The following FNDC3B variants were observed in gnomAD, a reference collection of about 807,000 sequenced individuals.
FNDC3B encodes fibronectin type III domain containing 3B, also known as fibronectin type III domain-containing protein 3B.
A neutral mutation model predicts 151.5 loss-of-function variants in FNDC3B; 12 were observed. The observed-to-expected ratio is 0.08, with a 90% CI of 0.05 to 0.13. FNDC3B has a LOEUF of 0.13. Ranked by LOEUF, FNDC3B falls within the 10% of genes least tolerant of loss-of-function variation. The pLI is 1.00. For missense variants in FNDC3B, 1,214 were observed against 1,505.3 expected, an observed-to-expected ratio of 0.81 and a Z score of 3.20; for synonymous variants, 528 against 549.0, an observed-to-expected ratio of 0.96 and a Z score of 0.54.
Position 172,341,193 on chromosome 3 carries a change from C to A in FNDC3B, c.1933C>A (p.Leu645Ile). 3 of 1,614,208 alleles carry A rather than the reference C, an allele frequency of 1.9e-6. No individual in the cohort carries two copies. Among genetic ancestry groups the A allele is most frequent in the Non-Finnish European group, 2.5e-6 (3 of 1,180,022 alleles). ...THLKPGTLYK[L>I]RACCISTGGH... ...CTTGAAACCAGGCACTTTGTACAAACTCCGAGCATGCTGCATCAGTACCGG... is the reference window on the plus strand; with the variant it reads ...CTTGAAACCAGGCACTTTGTACAAAATCCGAGCATGCTGCATCAGTACCGG... Residue 645 changes from leucine to isoleucine, a missense_variant, in exon 17 of 26, where the codon CTC (leucine) becomes ATC (isoleucine). Leu to Ile is a conservative substitution (Grantham distance 5). This residue lies in a region of FNDC3B where 380 missense variants were observed against 420.9 expected (regional missense o/e 0.90). Coordinates refer to ENST00000415807, the MANE Select transcript of FNDC3B (RefSeq NM_022763.4).
At chr3:172,150,941 A>G (rs965473419) in intron 3 of FNDC3B, among the ~76,000 whole-genome samples, 4 of 152,086 alleles carry the variant, frequency 2.6e-5, no homozygotes, top group South Asian at 2.1e-4. Context: ...ACAAATCTAC[A>G]TAGGTTTTTT....
rs1429099670 is a variant in FNDC3B at position 172,352,007 on chromosome 3, G to A, written c.2515-796G>A. On this transcript the variant is annotated intron_variant, in intron 21 of 25. Coordinates refer to ENST00000415807, the MANE Select transcript of FNDC3B (RefSeq NM_022763.4). This position sits in a 1 kb window ranked among gnomAD's most constrained non-coding sequence, Gnocchi z 4.2. ...CCAAATTGGGGAGTAGGTTATCAGT[G>A]GCGTTTACTCCTTGAGACAAGACGA... 6.6e-6 allele frequency among the ~76,000 whole-genome samples: 1 copy of A among 152,162 alleles called. No homozygotes were observed. Among genetic ancestry groups the A allele is most frequent in the African/African-American group, 2.4e-5 (1 of 41,420 alleles).
intron 8 of FNDC3B, among the ~76,000 whole-genome samples, chr3:172,297,518 A>C (rs1443682012): frequency 6.6e-6 from 1 of 151,692 alleles, no homozygotes; most frequent in Non-Finnish European, 1.5e-5. Flanking sequence ...TCTGTCGCCC[A>C]GGCTGGAGTG....
chr3:172,218,134 GAAAAAAAA>G lies in FNDC3B; in HGVS notation c.188-8719_188-8712del, dbSNP rs57576493. 1.3e-4 allele frequency among the ~76,000 whole-genome samples: 8 copies of G among 62,720 alleles called. 1 individual carries two copies. In the South Asian group the frequency reaches 5.7e-3, roughly 45 times the overall value. 41.1% of individuals were successfully genotyped at this position (62,720 alleles called of 152,430 possible). ...AGAAACGGAGAAGATCGACTTTCAG[GAAAAAAAA>G]AAAAAAAAAAAAAAAAAGGGCTGGT... On this transcript the variant is annotated intron_variant, in intron 3 of 25. Transcript: ENST00000415807.
At chr3:172,377,229 C>A (rs557271322) in intron 23 of FNDC3B, among the ~76,000 whole-genome samples, 1 of 152,274 alleles carries the variant, frequency 6.6e-6, no homozygotes, top group Non-Finnish European at 1.5e-5. Context: ...TGTGACGAAG[C>A]CCTGGAAATG....
At chr3:172,358,152 A>T (rs1358284332) in intron 22 of FNDC3B, among the ~76,000 whole-genome samples, 3 of 152,230 alleles carry the variant, frequency 2.0e-5, no homozygotes, top group Admixed American at 1.3e-4. Context: ...GACATGACCT[A>T]GCTGAGCTGC....
chr3:172,235,660 A>G (rs1329175932), intron 4 of FNDC3B, among the ~76,000 whole-genome samples: 1 of 152,232 alleles, frequency 6.6e-6, no homozygotes, highest in African/African-American at 2.4e-5. Flanking sequence ...CATGAAAAAT[A>G]TTCTAACTTC....
chr3:172,069,552 T>A (rs370290581), intron 1 of FNDC3B, among the ~76,000 whole-genome samples: 14 of 152,274 alleles, frequency 9.2e-5, no homozygotes, highest in East Asian at 5.8e-4. Flanking sequence ...GTGGGTTTTT[T>A]AAGTTGTTTT....
intron 1 of FNDC3B, among the ~76,000 whole-genome samples, chr3:172,039,994 C>T (rs1440536751): frequency 6.6e-6 from 1 of 152,098 alleles, no homozygotes; most frequent in Non-Finnish European, 1.5e-5. Flanking sequence ...GGGGGCGGCC[C>T]CCGCCTTGCT....
intron 12 of FNDC3B, 91 bp downstream of exon 12, chr3:172,329,167 C>G (rs1732510279): frequency 7.1e-7 from 1 of 1,408,222 alleles, no homozygotes; most frequent in East Asian, 2.4e-5. Flanking sequence ...AGGAAGCCTG[C>G]TGCCTCCACA....
intron 1 of FNDC3B, among the ~76,000 whole-genome samples, chr3:172,074,755 C>T (rs572835112): frequency 7.3e-4 from 111 of 152,304 alleles, no homozygotes; most frequent in Non-Finnish European, 1.3e-3. Flanking sequence ...GCCCCTAGCC[C>T]GTTAGTGGCC....
intron 3 of FNDC3B, among the ~76,000 whole-genome samples, chr3:172,153,870 A>G (rs755805203): frequency 1.3e-5 from 2 of 152,148 alleles, no homozygotes; most frequent in African/African-American, 2.4e-5. Flanking sequence ...TCTTAGCCCT[A>G]TCCTGCAGAC....
At chr3:172,044,769 C>T (rs1716281919) in intron 1 of FNDC3B, among the ~76,000 whole-genome samples, 1 of 152,126 alleles carries the variant, frequency 6.6e-6, no homozygotes, top group Non-Finnish European at 1.5e-5. Flanking sequence ...CATGATTTAA[C>T]CCATGACATA....
chr3:172,392,863 A>G (rs147560995), intron 25 of FNDC3B, among the ~76,000 whole-genome samples: 9 of 127,660 alleles, frequency 7.0e-5, no homozygotes, highest in Non-Finnish European at 1.1e-4. Flanking sequence ...CTGGAGTGCA[A>G]TGGCACAATC....
chr3:172,280,065 C>G (rs898161330), intron 6 of FNDC3B, among the ~76,000 whole-genome samples: 1 of 152,140 alleles, frequency 6.6e-6, no homozygotes, highest in Non-Finnish European at 1.5e-5. Flanking sequence ...CAGGCATGTG[C>G]CACCAAGCCC....
intron 1 of FNDC3B, among the ~76,000 whole-genome samples, chr3:172,050,748 A>G (rs1033195159): frequency 2.3e-4 from 34 of 148,688 alleles, no homozygotes; most frequent in Admixed American, 2.2e-3. Context: ...GTGTGTATAT[A>G]TACTATATAT....
intron 8 of FNDC3B, among the ~76,000 whole-genome samples, chr3:172,295,808 T>G (rs984591070): frequency 3.9e-5 from 6 of 152,226 alleles, no homozygotes; most frequent in African/African-American, 1.4e-4. Context: ...AAGGCGATTA[T>G]GACTTTTAGT....
At chr3:172,149,568 G>C (rs1408276176) in intron 3 of FNDC3B, among the ~76,000 whole-genome samples, 5 of 151,868 alleles carry the variant, frequency 3.3e-5, no homozygotes, top group Admixed American at 6.6e-5. Context: ...TACTTAAATA[G>C]GTTCAAGTGT....
intron 2 of FNDC3B, among the ~76,000 whole-genome samples, chr3:172,123,883 A>G (rs1720676937): frequency 6.6e-6 from 1 of 152,208 alleles, no homozygotes; most frequent in Admixed American, 6.5e-5. Flanking sequence ...ATCAGATACT[A>G]GGTTTATCTA....
Sources: allele counts gnomAD v4.1 joint callset (sites outside exome capture counted in the v4.1 genomes callset), GRCh38; gene constraint gnomAD v4.1.1; regional missense constraint gnomAD v4.1.1; non-coding constraint Gnocchi (gnomAD v3.1); transcripts MANE v1.5; gene names NCBI Gene and HGNC (gene_info 2026-07-23, HGNC 2026-07-21).